The following MICAL3 variants were observed in gnomAD, a reference collection of about 807,000 sequenced individuals.
MICAL3 encodes microtubule associated monooxygenase, calponin and LIM domain containing 3.
Under a neutral mutation model 207.4 loss-of-function variants are expected in MICAL3, and 62 were observed. That is an observed-to-expected ratio of 0.30 (90% CI 0.24 to 0.37). The LOEUF (loss-of-function observed/expected upper bound fraction) is 0.37. Ranked by LOEUF, MICAL3 falls within the 10% of genes least tolerant of loss-of-function variation. The pLI, the probability that MICAL3 is intolerant of heterozygous loss-of-function variation, is 1.00. For synonymous variants in MICAL3, 1,077 were observed against 1,069.3 expected (o/e 1.01, Z -0.14); for missense variants, 2,368 against 2,635.6 (o/e 0.90, Z 2.22).
chr22:17,871,026 C>T (rs1927671616), intron 17 of MICAL3, among the ~76,000 whole-genome samples: 1 of 152,168 alleles, frequency 6.6e-6, no homozygotes, highest in Non-Finnish European at 1.5e-5. Flanking sequence ...TTTATGCCAC[C>T]TTATAAAGAT....
At chr22:17,906,107 C>T (rs983706768) in intron 2 of MICAL3, among the ~76,000 whole-genome samples, 1 of 152,204 alleles carries the variant, frequency 6.6e-6, no homozygotes, top group Non-Finnish European at 1.5e-5. Flanking sequence ...TGACCTGCAT[C>T]CTCCGAACCA....
chr22:17,802,623 G>A (rs1189756015), intron 29 of MICAL3, among the ~76,000 whole-genome samples: 1 of 152,192 alleles, frequency 6.6e-6, no homozygotes, highest in African/African-American at 2.4e-5. Context: ...TCCCAGGGAG[G>A]TGAGAGCCCC....
intron 22 of MICAL3, among the ~76,000 whole-genome samples, chr22:17,825,900 G>C (rs975121696): frequency 1.3e-5 from 2 of 152,182 alleles, no homozygotes; most frequent in African/African-American, 4.8e-5. Context: ...ACGATCTCTT[G>C]TACTTGAAGA....
intron 19 of MICAL3, among the ~76,000 whole-genome samples, chr22:17,850,848 C>T (rs1602053045): frequency 6.6e-6 from 1 of 152,186 alleles, no homozygotes; most frequent in Non-Finnish European, 1.5e-5. Context: ...AAGCTACAAG[C>T]CCGACTCTCC....
intron 22 of MICAL3, among the ~76,000 whole-genome samples, chr22:17,823,456 G>A (rs1171022993): frequency 1.3e-5 from 2 of 152,302 alleles, no homozygotes; most frequent in Non-Finnish European, 2.9e-5. Flanking sequence ...CACACACCAT[G>A]GGTCATTCAG....
chr22:17,878,139 C>T (rs1418860142), intron 16 of MICAL3, among the ~76,000 whole-genome samples: 1 of 151,642 alleles, frequency 6.6e-6, no homozygotes, highest in Non-Finnish European at 1.5e-5. Context: ...AGGCCTGAGC[C>T]ACCGCACCCG....
At position 17,796,200 on chromosome 22, in the gene MICAL3, C is replaced by G. The variant is rs1477032962; in HGVS notation, c.5651-4899G>C. On this transcript the variant is annotated intron_variant, in intron 29 of 31. Transcript: ENST00000441493. The surrounding 1 kb of genome is among the most constrained non-coding windows in gnomAD (Gnocchi z 4.4). ...CTGGAGCACTCTGCTGCGTCTCCAA[C>G]ACTCGGGGGCACATCTGCTCCATCT... 6.6e-6 allele frequency among the ~76,000 whole-genome samples: 1 copy of G among 152,252 alleles called. No homozygotes were observed. The highest frequency in any genetic ancestry group is 1.5e-5 in the Non-Finnish European group (1 of 68,048).
intron 1 of MICAL3, among the ~76,000 whole-genome samples, chr22:18,008,162 C>T (rs1381887958): frequency 1.3e-5 from 2 of 152,048 alleles, no homozygotes; most frequent in African/African-American, 4.8e-5. Flanking sequence ...ATCGCTTGAA[C>T]CCAGGAGGTG....
intron 12 of MICAL3, among the ~76,000 whole-genome samples, chr22:17,889,484 G>T (rs539006446): frequency 6.6e-6 from 1 of 152,260 alleles, no homozygotes; most frequent in Admixed American, 6.5e-5. Flanking sequence ...GTCAAAAAAC[G>T]ACTCTCATTT....
chr22:17,895,273 G>GT lies in MICAL3; in HGVS notation c.1449+10_1449+11insA. On this transcript the variant is annotated intron_variant, in intron 10 of 31. Coordinates refer to ENST00000441493, the MANE Select transcript of MICAL3 (RefSeq NM_015241.3). ...TGGGCCCAGATGTAAATACTGACAA[G>GT]AAGGTCTTACCTGGCTTGGCCGGAG... is the stretch of plus-strand genomic sequence containing the variant. The GT allele has an allele frequency of 6.2e-7, 1 of 1,612,964 alleles. No homozygotes were observed. The highest frequency in any genetic ancestry group is 8.5e-7 in the Non-Finnish European group (1 of 1,179,446).
chr22:17,925,329 A>C (rs1932892899), intron 1 of MICAL3, among the ~76,000 whole-genome samples: 1 of 152,212 alleles, frequency 6.6e-6, no homozygotes, highest in Non-Finnish European at 1.5e-5. Context: ...ACTGGAGGGC[A>C]TGTTTTTCTA....
chr22:17,979,451 A>C (rs1935806966), intron 1 of MICAL3, among the ~76,000 whole-genome samples: 1 of 152,180 alleles, frequency 6.6e-6, no homozygotes, highest in African/African-American at 2.4e-5. Context: ...AGTGTGAGGC[A>C]GGAGAATCAC....
At position 17,982,429 on chromosome 22, in the gene MICAL3, C is replaced by A. The variant is rs188106777; in HGVS notation, c.-75+41852G>T. 1.0e-3 allele frequency among the ~76,000 whole-genome samples: 153 copies of A among 152,338 alleles called. 1 individual carries two copies. The highest frequency in any genetic ancestry group is 3.6e-3 in the African/African-American group (148 of 41,580). ...CGGTGGCTCATGCCTGTAATCCCAG[C>A]ACTTTGGGAGAGGTGGGTGGATCAC... On this transcript the variant is annotated intron_variant, in intron 1 of 31. Transcript: ENST00000441493.
At chr22:17,844,568 G>C (rs997227615) in intron 19 of MICAL3, among the ~76,000 whole-genome samples, 1 of 152,172 alleles carries the variant, frequency 6.6e-6, no homozygotes, top group East Asian at 1.9e-4. Context: ...ATTCACTAGA[G>C]AATCTTTACT....
chr22:17,952,064 T>C (rs1006075647), intron 1 of MICAL3, among the ~76,000 whole-genome samples: 2 of 152,168 alleles, frequency 1.3e-5, no homozygotes, highest in Non-Finnish European at 2.9e-5. Context: ...ATGTGATGCA[T>C]GAACACCCAG....
chr22:17,852,300 C>T (rs74921418), intron 19 of MICAL3, among the ~76,000 whole-genome samples: 3 of 152,306 alleles, frequency 2.0e-5, no homozygotes, highest in African/African-American at 4.8e-5. Flanking sequence ...CCCTGTAAAA[C>T]GTCAATCACA....
chr22:17,887,383 T>C lies in MICAL3; in HGVS notation c.1944A>G (p.Arg648=). Residue 648 remains arginine (R), a synonymous_variant, in exon 14 of 32, where the codon AGA becomes AGG. Transcript: ENST00000441493. ...GTTTGCTTAGGAAGGAGATAGGGGATCTGGTGCTGGCTATCAGGACTGCTT... is the reference window on the plus strand; with the variant it reads ...GTTTGCTTAGGAAGGAGATAGGGGACCTGGTGCTGGCTATCAGGACTGCTT... ...EEKAVLIAST[R]SPISFLSKLG... 1 of 1,614,034 alleles carries C rather than the reference T, an allele frequency of 6.2e-7. No individual in the cohort carries two copies. Among genetic ancestry groups the C allele is most frequent in the Non-Finnish European group, 8.5e-7 (1 of 1,179,894 alleles).
At chr22:17,865,512 G>C (rs1927000102) in intron 18 of MICAL3, among the ~76,000 whole-genome samples, 1 of 152,222 alleles carries the variant, frequency 6.6e-6, no homozygotes, top group South Asian at 2.1e-4. Flanking sequence ...TGGGGAGTGA[G>C]GGTGGGGCCA....
At position 17,810,262 on chromosome 22, in the gene MICAL3, A is replaced by T. The variant is rs112436606; in HGVS notation, c.5556+441T>A. 6.9e-3 allele frequency among the ~76,000 whole-genome samples: 1,040 copies of T among 151,774 alleles called. 14 individuals carry two copies. The highest frequency in any genetic ancestry group is 0.024 in the African/African-American group (994 of 41,372). On this transcript the variant is annotated intron_variant, in intron 28 of 31. Coordinates refer to ENST00000441493, the MANE Select transcript of MICAL3 (RefSeq NM_015241.3). ...TATTTTTAGTAGAGACGGGGGTTTC[A>T]CCGTGTTAGCCAGGATGGTCTCAAT...
Sources: gnomAD v4.1 joint callset for allele counts (sites outside exome capture counted in the v4.1 genomes callset) on GRCh38, gnomAD v4.1.1 for gene constraint, Gnocchi (gnomAD v3.1) non-coding constraint, MANE v1.5 for transcripts, NCBI Gene and HGNC (gene_info 2026-07-23, HGNC 2026-07-21) for gene names.